The following NHSL2 variants were observed in gnomAD, a reference collection of about 807,000 sequenced individuals.
NHSL2 encodes the protein NHS-like protein 2.
NHSL2 carries 27 observed loss-of-function variants against 53.4 expected under a neutral mutation model. The ratio of observed to expected loss-of-function variants is 0.51; its 90% CI spans 0.37 to 0.70. The LOEUF (loss-of-function observed/expected upper bound fraction) is 0.70, where lower values mean the gene tolerates loss of function less well. Ranked by LOEUF, NHSL2 falls within the 30% of genes least tolerant of loss-of-function variation. The probability of loss-of-function intolerance (pLI) is 0.00; values close to 1 mark genes in which losing one functional copy is unlikely to be tolerated. For missense variants in NHSL2, 892 were observed against 980.1 expected (o/e 0.91, Z 1.20); for synonymous variants, 408 against 404.1 (o/e 1.01, Z -0.12).
intron 1 of NHSL2, among the ~76,000 whole-genome samples, chrX:72,004,380 G>A (rs1177270941): frequency 1.8e-5 from 2 of 112,087 alleles, no homozygotes; most frequent in African/African-American, 6.5e-5. Context: ...GTGAGCTGCT[G>A]TTGCCACCTA....
At chrX:72,077,429 G>C (rs1338167860) in intron 1 of NHSL2, among the ~76,000 whole-genome samples, 1 of 111,025 alleles carries the variant, frequency 9.0e-6, no homozygotes, top group Non-Finnish European at 1.9e-5. Context: ...AGGTCACACT[G>C]CTGGTTCTGA....
At chrX:71,982,286 A>C (rs1243924194) in intron 1 of NHSL2, among the ~76,000 whole-genome samples, 1 of 112,474 alleles carries the variant, frequency 8.9e-6, no homozygotes, top group Non-Finnish European at 1.9e-5. Flanking sequence ...ATCCATAAAG[A>C]CAGAAAATAG....
At chrX:72,124,448 G>A (rs770099622) in intron 1 of NHSL2, among the ~76,000 whole-genome samples, 2 of 111,336 alleles carry the variant, frequency 1.8e-5, no homozygotes, top group South Asian at 3.8e-4. Flanking sequence ...TCTGTGGGTC[G>A]GTTCTTGCTC....
intron 1 of NHSL2, among the ~76,000 whole-genome samples, chrX:72,038,888 G>T (rs184777177): frequency 4.1e-4 from 46 of 111,417 alleles, no homozygotes; most frequent in African/African-American, 1.2e-3. Context: ...ATAAGACTAA[G>T]TAAGAGAACC....
chrX:72,130,274 C>T (rs749400236), intron 1 of NHSL2: 6 of 1,204,645 alleles, frequency 5.0e-6, no homozygotes, highest in Non-Finnish European at 5.6e-6. Context: ...TCATCTTCTT[C>T]ATCCTTACTC....
chrX:72,099,935 G>A (rs1008021922), intron 1 of NHSL2, among the ~76,000 whole-genome samples: 2 of 111,204 alleles, frequency 1.8e-5, no homozygotes, highest in Non-Finnish European at 3.8e-5. Context: ...TCTGGCTACC[G>A]TATTGAACAG....
intron 1 of NHSL2, among the ~76,000 whole-genome samples, chrX:72,019,614 A>G (rs1434458368): frequency 3.6e-5 from 4 of 111,701 alleles, no homozygotes; most frequent in Middle Eastern, 9.2e-3. Context: ...AGGCCACCTA[A>G]CTCACAAGAT....
chrX:72,044,619 CTG>C, intron 1 of NHSL2: 1 of 1,136,228 alleles, frequency 8.8e-7, no homozygotes, highest in Middle Eastern at 2.8e-4. Flanking sequence ...GCTGCACTAA[CTG>C]TGTCCGATGC....
chrX:72,142,027 G>A (rs2042422207), intron 6 of NHSL2, among the ~76,000 whole-genome samples: 1 of 111,640 alleles, frequency 9.0e-6, no homozygotes, highest in African/African-American at 3.3e-5. Flanking sequence ...AGGGACCCAC[G>A]CTGATCTTCA....
Position 72,131,666 on chromosome X carries a change from G to C in NHSL2, c.281-413G>C, listed in dbSNP as rs1219964090. The C allele has an allele frequency of 2.5e-5, 15 of 610,177 alleles. No individual in the cohort carries two copies. In the South Asian group the frequency reaches 3.3e-4, roughly 13 times the overall value. The allele number at this position is 610,177 out of a possible 1,213,427, so 50.3% of individuals were successfully genotyped here. ...GGACCGAAGTGCGGCAGCGGGGCAC[G>C]GGCCAGGCCGGGCCACACCCACCGG... is the stretch of plus-strand genomic sequence containing the variant. On this transcript the variant is annotated intron_variant, in intron 1 of 7. Transcript: ENST00000633930.
chrX:72,056,807 T>C (rs1194006324), intron 1 of NHSL2, among the ~76,000 whole-genome samples: 2 of 113,082 alleles, frequency 1.8e-5, no homozygotes, highest in South Asian at 7.2e-4. Context: ...CCATCAGTGC[T>C]GCCTACAAAT....
intron 1 of NHSL2, among the ~76,000 whole-genome samples, chrX:71,926,516 C>A (rs1465146952): frequency 2.7e-5 from 3 of 110,944 alleles, no homozygotes; most frequent in Admixed American, 9.5e-5. Flanking sequence ...TGCACACACA[C>A]TCAAATTTTA....
At chrX:72,060,330 G>A (rs867000946) in intron 1 of NHSL2, among the ~76,000 whole-genome samples, 3 of 112,068 alleles carry the variant, frequency 2.7e-5, no homozygotes, top group African/African-American at 6.5e-5. Flanking sequence ...TCCCTCCCCA[G>A]TGTCTAAGGA....
intron 1 of NHSL2, among the ~76,000 whole-genome samples, chrX:72,025,160 C>G (rs1374105354): frequency 8.9e-6 from 1 of 112,073 alleles, no homozygotes; most frequent in East Asian, 2.8e-4. Flanking sequence ...TGTATCAAAA[C>G]CTCACAATGT....
At chrX:72,016,121 A>G (rs2042134892) in intron 1 of NHSL2, among the ~76,000 whole-genome samples, 1 of 111,840 alleles carries the variant, frequency 8.9e-6, no homozygotes, top group South Asian at 3.7e-4. Context: ...ATTCTTTTTT[A>G]TATTTAGTTG....
At chrX:71,920,477 A>C (rs1363613605) in intron 1 of NHSL2, among the ~76,000 whole-genome samples, 4 of 111,440 alleles carry the variant, frequency 3.6e-5, no homozygotes, top group African/African-American at 1.3e-4. Flanking sequence ...AATGTTAAAA[A>C]AAAAAAAAGT....
At chrX:71,998,447 G>A (rs1165661979) in intron 1 of NHSL2, among the ~76,000 whole-genome samples, 1 of 111,547 alleles carries the variant, frequency 9.0e-6, no homozygotes, top group Non-Finnish European at 1.9e-5. Context: ...ACTTTTCTGG[G>A]GCGTCTTGGT....
intron 1 of NHSL2, chrX:72,129,701 C>A (rs2042264316): frequency 1.5e-6 from 1 of 663,066 alleles, no homozygotes. Context: ...TTCTGCAGGT[C>A]TTCTTCAGGT....
intron 1 of NHSL2, among the ~76,000 whole-genome samples, chrX:72,013,272 T>G (rs576336789): frequency 2.7e-5 from 3 of 110,999 alleles, no homozygotes; most frequent in African/African-American, 9.7e-5. Flanking sequence ...CATTTACACT[T>G]AAGTATTTTG....
Sources: gnomAD v4.1 joint callset for allele counts (sites outside exome capture counted in the v4.1 genomes callset) on GRCh38, gnomAD v4.1.1 for gene constraint, MANE v1.5 for transcripts, NCBI Gene and HGNC (gene_info 2026-07-23, HGNC 2026-07-21) for gene names.